The following RUBCNL variants were observed in gnomAD, a reference collection of about 807,000 sequenced individuals.
The protein encoded by RUBCNL is protein associated with UVRAG as autophagy enhancer.
In RUBCNL, 62 loss-of-function variants were observed where a neutral mutation model predicts 69.5. The ratio of observed to expected loss-of-function variants is 0.89; its 90% CI spans 0.73 to 1.10. The LOEUF (loss-of-function observed/expected upper bound fraction) is 1.10. RUBCNL is among the 50% of genes least tolerant of loss of function. The pLI, the probability that RUBCNL is intolerant of heterozygous loss-of-function variation, is 0.00. For synonymous variants in RUBCNL, 291 were observed against 303.6 expected (o/e 0.96, Z 0.43); for missense variants, 768 against 798.1 (o/e 0.96, Z 0.45).
chr13:46,350,127 G>C lies in RUBCNL; in HGVS notation c.1555C>G (p.Leu519Val). The C allele has an allele frequency of 6.4e-7, 1 of 1,567,184 alleles. No homozygotes were observed. Among genetic ancestry groups the C allele is most frequent in the Non-Finnish European group, 8.7e-7 (1 of 1,155,032 alleles). ...GQSLYAKAKE[L>V]DRVKEIQEQL... ...CTGCGGCTCACCTTCACTCTGTCCA[G>C]CTCCTTGGCTTTCGCATACAGGCTT... The change falls in exon 11 of 15, where the codon CTG (leucine) becomes GTG (valine). Residue 519 changes from leucine to valine, a missense_variant. Transcript: ENST00000429979.
At position 46,340,666 on chromosome 13, in the gene RUBCNL, G is replaced by A. The variant is rs533135013; in HGVS notation, c.*2719C>T. Reference sequence around the variant, plus strand: ...AGCATCGCACCAATATCTGCTTCTGGTTAGGACTTGTGGCTGCTTCCACTC... The same window carrying A: ...AGCATCGCACCAATATCTGCTTCTGATTAGGACTTGTGGCTGCTTCCACTC... On this transcript the variant is annotated 3_prime_UTR_variant, in exon 15 of 15. Coordinates refer to ENST00000429979, the MANE Select transcript of RUBCNL (RefSeq NM_025113.5). 6.6e-6 allele frequency among the ~76,000 whole-genome samples: 1 copy of A among 152,278 alleles called. No homozygotes were observed. The highest frequency in any genetic ancestry group is 1.5e-5 in the Non-Finnish European group (1 of 68,008).
chr13:46,361,379 AG>A (rs2048606015), intron 8 of RUBCNL, 61 bp downstream of exon 8: 6 of 1,573,522 alleles, frequency 3.8e-6, no homozygotes, highest in Non-Finnish European at 5.2e-6. Context: ...TAAAGTGAAC[AG>A]GGCAGGCAAA....
rs528294555 is a variant in RUBCNL at position 46,386,821 on chromosome 13, C to T, written c.-239+313G>A. ...AGGCTTTGTAGTCTCTGAGAATCGCCCTGCGTAAAAGTGTCCTGAGGTCCC... is the reference window on the plus strand; with the variant it reads ...AGGCTTTGTAGTCTCTGAGAATCGCTCTGCGTAAAAGTGTCCTGAGGTCCC... On this transcript the variant is annotated intron_variant, in intron 1 of 14. Transcript: ENST00000429979. 8.5e-5 allele frequency among the ~76,000 whole-genome samples: 13 copies of T among 152,246 alleles called. No homozygotes were observed. The South Asian group carries it at 2.7e-3, about 32-fold the overall frequency.
intron 10 of RUBCNL, among the ~76,000 whole-genome samples, chr13:46,354,443 T>TA (rs201940274): frequency 5.3e-5 from 8 of 151,850 alleles, no homozygotes; most frequent in African/African-American, 1.5e-4. Context: ...AGACAAAAGT[T>TA]AAAAAAAATG....
intron 10 of RUBCNL, among the ~76,000 whole-genome samples, chr13:46,352,533 G>T (rs1196610902): frequency 6.6e-6 from 1 of 152,158 alleles, no homozygotes; most frequent in Non-Finnish European, 1.5e-5. Context: ...GGCCGGGTGC[G>T]GTGGCTCACA....
chr13:46,387,287 C>A, upstream of RUBCNL: 2 of 985,466 alleles, frequency 2.0e-6, no homozygotes, highest in South Asian at 4.7e-5. Flanking sequence ...GACAGCGACG[C>A]CCCGACGCCG....
In RUBCNL at chr13:46,372,157, CCT is replaced by C; in HGVS notation, c.317_318del (p.Glu106GlyfsTer16). On this transcript the variant is annotated frameshift_variant, in exon 3 of 15. Coordinates refer to ENST00000429979, the MANE Select transcript of RUBCNL (RefSeq NM_025113.5). LOFTEE classifies it high-confidence loss of function. ...GDSLAETTLS[E>X]DTTDSVGSAS... Reference sequence around the variant, plus strand: ...GCGCTGCCAACGGAGTCTGTGGTATCCTCAGACAACGTTGTCTCTGCCAGGGA... The same window carrying C: ...GCGCTGCCAACGGAGTCTGTGGTATCCAGACAACGTTGTCTCTGCCAGGGA... 1 of 1,614,016 alleles carries C rather than the reference CCT, an allele frequency of 6.2e-7. No individual in the cohort carries two copies. Among genetic ancestry groups the C allele is most frequent in the Non-Finnish European group, 8.5e-7 (1 of 1,179,898 alleles).
chr13:46,350,225 A>T lies in RUBCNL; in HGVS notation c.1457T>A (p.Val486Asp). The T allele has an allele frequency of 6.3e-7, 1 of 1,593,654 alleles. No homozygotes were observed. Among genetic ancestry groups the T allele is most frequent in the Non-Finnish European group, 8.5e-7 (1 of 1,169,750 alleles). The change falls in exon 11 of 15, where the codon GTC becomes GAC. Residue 486 changes from valine to aspartate, a missense_variant. Val to Asp is a radical substitution (Grantham distance 152, BLOSUM62 -3). Coordinates refer to ENST00000429979, the MANE Select transcript of RUBCNL (RefSeq NM_025113.5). ...GAGCAGCTGTTTGGAGAAATTGCTGACGTAGTACTTCTTGAAGTCCCACAT... is the reference window on the plus strand; with the variant it reads ...GAGCAGCTGTTTGGAGAAATTGCTGTCGTAGTACTTCTTGAAGTCCCACAT... ...LMMWDFKKYY[V>D]SNFSKQLLDS...
intron 2 of RUBCNL, 63 bp downstream of exon 2, chr13:46,377,827 C>A: frequency 2.1e-6 from 2 of 935,034 alleles, no homozygotes; most frequent in South Asian, 1.5e-5. Flanking sequence ...GATTCACAAC[C>A]ATGTCTAAGG....
At chr13:46,346,966 AC>A (rs2048258876) in intron 12 of RUBCNL, among the ~76,000 whole-genome samples, 1 of 152,168 alleles carries the variant, frequency 6.6e-6, no homozygotes, top group South Asian at 2.1e-4. Flanking sequence ...TATTACGAAC[AC>A]CTAGATTTTT....
rs2048817526 is a variant in RUBCNL at position 46,368,832 on chromosome 13, T to C, written c.536-17A>G. 1 of 1,586,118 alleles carries C rather than the reference T, an allele frequency of 6.3e-7. No individual in the cohort carries two copies. The highest frequency in any genetic ancestry group is 1.4e-5 in the African/African-American group (1 of 74,000). Reference sequence around the variant, plus strand: ...GAACAGCACCTGCCAATATAGCAAATTGTTAAAAATGGGGAAAAGGGAGTT... The same window carrying C: ...GAACAGCACCTGCCAATATAGCAAACTGTTAAAAATGGGGAAAAGGGAGTT... On this transcript the variant is annotated splice_polypyrimidine_tract_variant and intron_variant, in intron 3 of 14. Coordinates refer to ENST00000429979, the MANE Select transcript of RUBCNL (RefSeq NM_025113.5).
upstream of RUBCNL, among the ~76,000 whole-genome samples, chr13:46,388,096 C>T (rs1002075888): frequency 6.8e-6 from 1 of 147,348 alleles, no homozygotes. Flanking sequence ...CCTGTTATGC[C>T]GGCTACTAGG....
At chr13:46,362,467 G>A (rs905473667) in intron 7 of RUBCNL, 71 bp downstream of exon 7, 2 of 932,554 alleles carry the variant, frequency 2.1e-6, no homozygotes, top group Admixed American at 5.4e-5. Context: ...AATGTCAGAG[G>A]CCTAGGTTTC....
intron 1 of RUBCNL, among the ~76,000 whole-genome samples, chr13:46,384,577 C>T (rs769746146): frequency 4.6e-5 from 7 of 151,858 alleles, no homozygotes; most frequent in Non-Finnish European, 8.8e-5. Flanking sequence ...TAAAAAAAAA[C>T]GTTGAGGTCT....
chr13:46,359,393 T>G, intron 9 of RUBCNL, 93 bp downstream of exon 9: 1 of 1,004,102 alleles, frequency 1.0e-6, no homozygotes. Flanking sequence ...CTTTAGCATA[T>G]GTATTTTTTT....
intron 3 of RUBCNL, among the ~76,000 whole-genome samples, chr13:46,370,587 G>C (rs184448623): frequency 1.3e-5 from 2 of 152,326 alleles, no homozygotes; most frequent in East Asian, 3.9e-4. Flanking sequence ...TAAAGGCACT[G>C]ACAGGAGCTG....
chr13:46,361,536 A>G lies in RUBCNL; in HGVS notation c.1024T>C (p.Leu342=). ...YEPDFNSAEL[L]AKELYRVFQK... ...AACACGCGGTACAGCTCTTTGGCTA[A>G]TAGTTCTGCAGAATTGAAGTCTGGC... The change falls in exon 8 of 15, where the codon TTA becomes CTA. Residue 342 remains leucine (L), a synonymous_variant. Transcript: ENST00000429979. 6.2e-7 allele frequency: 1 copy of G among 1,609,852 alleles called. No individual in the cohort carries two copies. The highest frequency in any genetic ancestry group is 8.5e-7 in the Non-Finnish European group (1 of 1,177,768).
At chr13:46,387,351 A>C, upstream of RUBCNL, 2 of 985,468 alleles carry the variant, frequency 2.0e-6, no homozygotes, top group Middle Eastern at 5.2e-4. Context: ...GAAGCTCCTC[A>C]GGGAAGCAAA....
intron 10 of RUBCNL, chr13:46,354,874 T>G (rs2138714585): frequency 6.6e-6 from 3 of 456,452 alleles, no homozygotes; most frequent in South Asian, 1.5e-5. Flanking sequence ...CTTAGGGAAA[T>G]AACAAAAAGT....
Sources: gnomAD v4.1 joint callset for allele counts (sites outside exome capture counted in the v4.1 genomes callset) on GRCh38, gnomAD v4.1.1 for gene constraint, MANE v1.5 for transcripts, NCBI Gene and HGNC (gene_info 2026-07-23, HGNC 2026-07-21) for gene names.